Variants in RFT1 observed in about 807,000 individuals in gnomAD.
The protein encoded by RFT1 is man(5)GlcNAc(2)-PP-dolichol translocation protein RFT1.
In RFT1, 43 loss-of-function variants were observed where a neutral mutation model predicts 62.2. The observed-to-expected ratio is 0.69, with a 90% CI of 0.54 to 0.89. The LOEUF (loss-of-function observed/expected upper bound fraction) is 0.89. Ranked by LOEUF, RFT1 falls within the 40% of genes least tolerant of loss-of-function variation. The pLI is 0.00. For synonymous variants in RFT1, 262 were observed against 264.6 expected, an observed-to-expected ratio of 0.99 and a Z score of 0.10; for missense variants, 605 against 649.9, an observed-to-expected ratio of 0.93 and a Z score of 0.75.
chr3:53,126,344 G>A (rs11713763), intron 1 of RFT1, among the ~76,000 whole-genome samples: 42,604 of 152,122 alleles, frequency 0.28, 7,264 homozygotes, highest in Admixed American at 0.38. Context: ...TCACCTTGCC[G>A]GGCCCTGGCC....
At chr3:53,105,942 A>G (rs980221224) in intron 8 of RFT1, 139 bp from the exon 9 acceptor site, 25 of 902,936 alleles carry the variant, frequency 2.8e-5, no homozygotes, top group Non-Finnish European at 3.7e-5. Flanking sequence ...AGTTATAAGA[A>G]GTAATAGTGG....
At chr3:53,072,887 G>A in the RFT1 span, among the ~76,000 whole-genome samples, 1 of 152,218 alleles carries the variant, frequency 6.6e-6, no homozygotes, top group Non-Finnish European at 1.5e-5. Context: ...GGCTCCGCCC[G>A]CGACCTCAGA....
chr3:53,116,538 C>T (rs1006207013), intron 6 of RFT1, among the ~76,000 whole-genome samples: 1 of 151,994 alleles, frequency 6.6e-6, no homozygotes, highest in Non-Finnish European at 1.5e-5. Flanking sequence ...AAGCAATCCT[C>T]CCACTTCGGT....
At chr3:53,099,229 G>A (rs1031848640) in intron 11 of RFT1, 152 bp downstream of exon 11, 2 of 688,992 alleles carry the variant, frequency 2.9e-6, no homozygotes, top group Non-Finnish European at 5.3e-6. Context: ...GTGCCACAGA[G>A]ATCCCAGGGG....
the RFT1 span, among the ~76,000 whole-genome samples, chr3:53,071,559 C>T: frequency 2.6e-5 from 4 of 152,200 alleles, no homozygotes; most frequent in African/African-American, 9.7e-5. Flanking sequence ...GGGGCTACCT[C>T]CCAGAGCAGA....
Position 53,122,404 on chromosome 3 carries a change from C to T in RFT1, c.426G>A (p.Leu142=). Residue 142 remains leucine, a synonymous_variant, in exon 4 of 13, where the codon TTG becomes TTA. Coordinates refer to ENST00000296292, the MANE Select transcript of RFT1 (RefSeq NM_052859.4). ...GCTTCACAAACATATGTGCTTGTGC[C>T]AAGACCCAAAAGGGCTCTCCTAGAA... ...VELLGEPFWV[L]AQAHMFVKLK... 6.2e-7 allele frequency: 1 copy of T among 1,613,910 alleles called. No individual in the cohort carries two copies. The highest frequency in any genetic ancestry group is 8.5e-7 in the Non-Finnish European group (1 of 1,179,944).
intron 8 of RFT1, 72 bp downstream of exon 8, chr3:53,106,747 A>G (rs541511852): frequency 2.7e-6 from 3 of 1,100,406 alleles, no homozygotes; most frequent in Admixed American, 1.9e-5. Context: ...TAAATATATC[A>G]GAGAAAAATA....
chr3:53,113,913 A>G (rs1269761034), intron 6 of RFT1, among the ~76,000 whole-genome samples: 1 of 152,140 alleles, frequency 6.6e-6, no homozygotes, highest in Non-Finnish European at 1.5e-5. Context: ...TTTTCCAGAC[A>G]CAGGGAGTGC....
chr3:53,118,192 C>T (rs1334695338), intron 6 of RFT1, among the ~76,000 whole-genome samples: 3 of 152,186 alleles, frequency 2.0e-5, no homozygotes, highest in African/African-American at 7.2e-5. Flanking sequence ...AATGTTCCTT[C>T]CCAAAATACT....
chr3:53,071,323 G>T, the RFT1 span, among the ~76,000 whole-genome samples: 1 of 152,300 alleles, frequency 6.6e-6, no homozygotes, highest in East Asian at 1.9e-4. Flanking sequence ...CGATCCCTAT[G>T]GTCACTGAAG....
In RFT1 at chr3:53,092,508, C is replaced by A. The variant is rs539836470; in HGVS notation, c.1319G>T (p.Gly440Val). The change falls in exon 12 of 13, where the codon GGC becomes GTC. Residue 440 changes from glycine to valine, a missense_variant. By Grantham distance (109) the Gly-to-Val change is moderately radical (BLOSUM62 -3). Transcript: ENST00000296292. ...GCAAAGGCTCTGCGTGATCCGAATG[C>A]CCATGTTAAAGCAGTTGGCCAAGAT... ...GFILANCFNM[G>V]IRITQSLCFI... 3.3e-5 allele frequency: 53 copies of A among 1,612,356 alleles called. 1 individual carries two copies. In the South Asian group the frequency reaches 4.5e-4, roughly 14 times the overall value.
Position 53,092,044 on chromosome 3 carries a change from C to A in RFT1, c.1485G>T (p.Trp495Cys). 1 of 1,614,256 alleles carries A rather than the reference C, an allele frequency of 6.2e-7. No homozygotes were observed. Among genetic ancestry groups the A allele is most frequent in the Non-Finnish European group, 8.5e-7 (1 of 1,180,046 alleles). Residue 495 changes from tryptophan (W) to cysteine (C), a missense_variant, in exon 13 of 13, where the codon TGG becomes TGT. Physicochemically the swap from Trp to Cys is radical, Grantham distance 215. Transcript: ENST00000296292. ...SEVFLCCEQGWPARLAHIAVG... is the reference protein window; with the variant it reads ...SEVFLCCEQGCPARLAHIAVG... The stretch of plus-strand genomic sequence containing the variant: ...CAGCAATGTGTGCCAGTCTGGCTGG[C>A]CAGCCCTGCTCACAGCAGAGGAATA...
At chr3:53,108,143 G>A (rs1350205745) in intron 7 of RFT1, among the ~76,000 whole-genome samples, 1 of 152,084 alleles carries the variant, frequency 6.6e-6, no homozygotes, top group Admixed American at 6.5e-5. Flanking sequence ...CTGCCTCCCA[G>A]ACATAAGAGA....
In RFT1 at chr3:53,090,575, G is replaced by A. The variant is rs1700961709; in HGVS notation, c.*1328C>T. On this transcript the variant is annotated 3_prime_UTR_variant, in exon 13 of 13. Coordinates refer to ENST00000296292, the MANE Select transcript of RFT1 (RefSeq NM_052859.4). ...TGACAGGTCTTAATCCTTAGCCCCTGGGTACTGGCTCTGGGCAAGCAGATT... is the reference window on the plus strand; with the variant it reads ...TGACAGGTCTTAATCCTTAGCCCCTAGGTACTGGCTCTGGGCAAGCAGATT... 3 of 152,166 alleles carry A rather than the reference G, an allele frequency of 2.0e-5. No homozygotes were observed. Among genetic ancestry groups the A allele is most frequent in the Admixed American group, 2.0e-4 (3 of 15,266 alleles). 9.4% of individuals were successfully genotyped at this position (152,166 alleles called of 1,614,324 possible).
At chr3:53,087,054 A>G (rs1383478290), downstream of RFT1, among the ~76,000 whole-genome samples, 1 of 152,142 alleles carries the variant, frequency 6.6e-6, no homozygotes, top group Non-Finnish European at 1.5e-5. Context: ...CCTGGCCAAC[A>G]TGGTGAAACC....
intron 5 of RFT1, 109 bp from the exon 6 acceptor site, chr3:53,120,130 C>T (rs1026935262): frequency 2.5e-6 from 2 of 797,154 alleles, no homozygotes; most frequent in African/African-American, 3.5e-5. Context: ...ACTGCACTTT[C>T]TATTCAGCAA....
At chr3:53,129,028 T>C (rs1239146855) in intron 1 of RFT1, among the ~76,000 whole-genome samples, 1 of 151,898 alleles carries the variant, frequency 6.6e-6, no homozygotes, top group Non-Finnish European at 1.5e-5. Flanking sequence ...ATGAAGCCTA[T>C]CTGAGTAGTA....
chr3:53,069,657 C>G, the RFT1 span, among the ~76,000 whole-genome samples: 3 of 152,204 alleles, frequency 2.0e-5, no homozygotes, highest in African/African-American at 7.2e-5. Flanking sequence ...GTTAGTACAA[C>G]AAGTGCCTAT....
chr3:53,127,002 C>T (rs1702126371), intron 1 of RFT1, among the ~76,000 whole-genome samples: 1 of 151,966 alleles, frequency 6.6e-6, no homozygotes, highest in African/African-American at 2.4e-5. Context: ...TTGTGTAACA[C>T]TGTACCTAAA....
Sources: gnomAD v4.1 joint callset for allele counts (sites outside exome capture counted in the v4.1 genomes callset) on GRCh38, gnomAD v4.1.1 for gene constraint, MANE v1.5 for transcripts, NCBI Gene and HGNC (gene_info 2026-07-23, HGNC 2026-07-21) for gene names.